The following TMEM143 variants were observed in gnomAD, a reference collection of about 807,000 sequenced individuals.
TMEM143 encodes transmembrane protein 143.
In TMEM143, 45 loss-of-function variants were observed where a neutral mutation model predicts 40.3. The ratio of observed to expected loss-of-function variants is 1.12; its 90% confidence interval spans 0.88 to 1.43. TMEM143 has a LOEUF of 1.43. Ranked by LOEUF, TMEM143 falls within the 40% of genes most tolerant of loss-of-function variation. The pLI, the probability that TMEM143 is intolerant of heterozygous loss-of-function variation, is 0.00. For missense variants in TMEM143, 620 were observed against 613.4 expected, an observed-to-expected ratio of 1.01 and a Z score of -0.11; for synonymous variants, 299 against 282.7, an observed-to-expected ratio of 1.06 and a Z score of -0.58.
chr19:48,360,179 G>A lies in TMEM143; in HGVS notation c.265-3C>T, dbSNP rs62619940. 27,660 of 1,613,912 alleles carry A rather than the reference G, an allele frequency of 0.017. 335 individuals are homozygous for A. The highest frequency in any genetic ancestry group is 0.087 in the Middle Eastern group (529 of 6,056). Reference sequence around the variant, plus strand: ...TCTGCCGGACTCGAGTGGAATTCCTGTTACCTCAGGAAGCAAAACTTCTCT... The same window carrying A: ...TCTGCCGGACTCGAGTGGAATTCCTATTACCTCAGGAAGCAAAACTTCTCT... On this transcript the variant is annotated splice_region_variant and splice_polypyrimidine_tract_variant and intron_variant, in intron 2 of 7. Transcript: ENST00000293261.
At position 48,342,545 on chromosome 19, in the gene TMEM143, G is replaced by A; in HGVS notation, c.960C>T (p.Gly320=). ...GCATGCTCACCTTGGAGGCCCGCAG[G>A]CCCATGAAGATGGCGAAGAGCAGCA... The part of the protein sequence containing the change: ...LLLLLFAIFM[G]LRASKMFGQR... Residue 320 remains glycine (G), a synonymous_variant, in exon 6 of 8, where the codon GGC becomes GGT. Transcript: ENST00000293261. 6.2e-7 allele frequency: 1 copy of A among 1,609,302 alleles called. No individual in the cohort carries two copies. The highest frequency in any genetic ancestry group is 8.5e-7 in the Non-Finnish European group (1 of 1,178,746).
intron 4 of TMEM143, 71 bp downstream of exon 4, chr19:48,345,089 C>G: frequency 6.6e-7 from 1 of 1,517,770 alleles, no homozygotes; most frequent in Non-Finnish European, 9.0e-7. Flanking sequence ...CCCAGCAGCC[C>G]ATGCCTCTCA....
At chr19:48,358,074 A>T (rs921582554) in intron 3 of TMEM143, among the ~76,000 whole-genome samples, 1 of 152,084 alleles carries the variant, frequency 6.6e-6, no homozygotes, top group African/African-American at 2.4e-5. Flanking sequence ...AAACTACTGA[A>T]ATAAAAAATG....
At chr19:48,347,656 A>G (rs275584) in intron 3 of TMEM143, among the ~76,000 whole-genome samples, 83,161 of 150,512 alleles carry the variant, frequency 0.55, 23,770 homozygotes, top group Admixed American at 0.64. Context: ...TCCCAGGTTC[A>G]AGCGATTCTC....
intron 3 of TMEM143, among the ~76,000 whole-genome samples, chr19:48,356,338 G>A (rs1019613986): frequency 4.0e-5 from 6 of 151,686 alleles, no homozygotes; most frequent in Non-Finnish European, 8.8e-5. Context: ...ATGTTGGCCG[G>A]GATGGTCTCG....
At chr19:48,357,044 A>T (rs1219122678) in intron 3 of TMEM143, among the ~76,000 whole-genome samples, 1 of 151,416 alleles carries the variant, frequency 6.6e-6, no homozygotes, top group Non-Finnish European at 1.5e-5. Context: ...AGCTGGGATG[A>T]CAGGCACATG....
At chr19:48,360,575 CAAAA>C (rs66559365) in intron 2 of TMEM143, 26 of 101,248 alleles carry the variant, frequency 2.6e-4, no homozygotes, top group South Asian at 9.5e-4. Context: ...GACTCTGTCT[CAAAA>C]AAAAAAAAAA....
chr19:48,333,902 C>T lies in TMEM143; in HGVS notation c.1165+106G>A. The T allele has an allele frequency of 7.8e-7, 1 of 1,278,956 alleles. No individual in the cohort carries two copies. The highest frequency in any genetic ancestry group is 2.6e-5 in the East Asian group (1 of 38,918). 79.2% of individuals were successfully genotyped at this position (1,278,956 alleles called of 1,614,324 possible). A position where few individuals can be genotyped will look rare whatever the true frequency, so the allele number is the denominator to read the frequency against. On this transcript the variant is annotated intron_variant, in intron 7 of 7. Transcript: ENST00000293261. This position sits in a 1 kb window ranked among gnomAD's most constrained non-coding sequence, Gnocchi z 4.1. ...CTGAGGGCCGGGGTCTCTTCGCAAA[C>T]CCGTCAGGTTCACCCGTGGGAACTG...
At chr19:48,362,009 T>C (rs1183649264) in intron 2 of TMEM143, among the ~76,000 whole-genome samples, 1 of 152,228 alleles carries the variant, frequency 6.6e-6, no homozygotes, top group Non-Finnish European at 1.5e-5. Context: ...TGCATATATT[T>C]GTATATTTAT....
At chr19:48,363,607 T>C in intron 1 of TMEM143, 76 bp from the exon 2 acceptor site, 1 of 1,516,008 alleles carries the variant, frequency 6.6e-7, no homozygotes, top group Middle Eastern at 1.8e-4. Context: ...CGTCCCACCC[T>C]CCAGAAGCCG....
intron 4 of TMEM143, among the ~76,000 whole-genome samples, chr19:48,344,558 G>A (rs562633303): frequency 6.6e-6 from 1 of 152,268 alleles, no homozygotes; most frequent in South Asian, 2.1e-4. Flanking sequence ...TGAATGCTGG[G>A]ATTACAGGAA....
chr19:48,343,505 G>A, intron 4 of TMEM143, 54 bp from the exon 5 acceptor site: 1 of 1,521,928 alleles, frequency 6.6e-7, no homozygotes, highest in Non-Finnish European at 8.9e-7. Flanking sequence ...GGAGTGTTGA[G>A]GGCAGGATAC....
chr19:48,334,450 C>CTT (rs1428236357), intron 6 of TMEM143, among the ~76,000 whole-genome samples: 2 of 44,910 alleles, frequency 4.5e-5, no homozygotes, highest in African/African-American at 1.8e-4. Flanking sequence ...TTCTTTCTTT[C>CTT]TTTCTTTCTT....
intron 3 of TMEM143, among the ~76,000 whole-genome samples, chr19:48,350,787 T>C (rs865792772): frequency 6.6e-6 from 1 of 151,734 alleles, no homozygotes; most frequent in Non-Finnish European, 1.5e-5. Flanking sequence ...CCAGGCATGG[T>C]GGTGCGCGCC....
At position 48,343,378 on chromosome 19, in the gene TMEM143, AG is replaced by A; in HGVS notation, c.637del (p.Leu213Ter). 6.2e-7 allele frequency: 1 copy of A among 1,607,920 alleles called. No individual in the cohort carries two copies. Among genetic ancestry groups the A allele is most frequent in the Middle Eastern group, 1.8e-4 (1 of 5,544 alleles). On this transcript the variant is annotated frameshift_variant, in exon 5 of 8. Coordinates refer to ENST00000293261, the MANE Select transcript of TMEM143 (RefSeq NM_018273.4). LOFTEE classifies it high-confidence loss of function. The part of the protein sequence containing the change: ...ALGQRVGQMP[L>X]KSSVGSRRGF... ...ACGCCTGGAGCCCACGCTGGACTTC[AG>A]GGGCATCTGCCCGACTCGCTGGCCC...
intron 3 of TMEM143, among the ~76,000 whole-genome samples, chr19:48,346,904 C>T (rs1298488789): frequency 1.3e-5 from 2 of 152,098 alleles, no homozygotes; most frequent in Non-Finnish European, 2.9e-5. Flanking sequence ...CAACCAGTAT[C>T]CACATGGCCA....
At chr19:48,344,731 A>T (rs1046281284) in intron 4 of TMEM143, among the ~76,000 whole-genome samples, 7 of 150,894 alleles carry the variant, frequency 4.6e-5, no homozygotes, top group African/African-American at 1.7e-4. Flanking sequence ...TTCCAGATGG[A>T]GTTTCACTCT....
chr19:48,342,673 G>C lies in TMEM143; in HGVS notation c.832C>G (p.Arg278Gly). ...ELKVRTPTLQRALLNLMLVVS... is the reference protein window; with the variant it reads ...ELKVRTPTLQGALLNLMLVVS... ...ACCAGCATGAGGTTGAGCAGGGCGCGCTGCAGGGTGGGCGTGCGCACCTTC... is the reference window on the plus strand; with the variant it reads ...ACCAGCATGAGGTTGAGCAGGGCGCCCTGCAGGGTGGGCGTGCGCACCTTC... Residue 278 changes from arginine to glycine, a missense_variant, in exon 6 of 8, where the codon CGC becomes GGC. Arg to Gly is a moderately radical substitution (Grantham distance 125). Coordinates refer to ENST00000293261, the MANE Select transcript of TMEM143 (RefSeq NM_018273.4). 1 of 1,614,112 alleles carries C rather than the reference G, an allele frequency of 6.2e-7. No individual in the cohort carries two copies. The highest frequency in any genetic ancestry group is 1.1e-5 in the South Asian group (1 of 91,084).
chr19:48,344,169 G>A (rs936211738), intron 4 of TMEM143, among the ~76,000 whole-genome samples: 2 of 152,082 alleles, frequency 1.3e-5, no homozygotes, highest in African/African-American at 4.8e-5. Context: ...TTATAGGTGT[G>A]AGCCACTGCA....
Sources: gnomAD v4.1 joint callset for allele counts (sites outside exome capture counted in the v4.1 genomes callset) on GRCh38, gnomAD v4.1.1 for gene constraint, Gnocchi (gnomAD v3.1) non-coding constraint, MANE v1.5 for transcripts, NCBI Gene and HGNC (gene_info 2026-07-23, HGNC 2026-07-21) for gene names.